Variants in POMT2 observed in about 807,000 individuals in gnomAD.
POMT2 encodes protein O-mannosyltransferase 2.
POMT2 carries 75 observed loss-of-function variants against 100.0 expected under a neutral mutation model. The ratio of observed to expected loss-of-function variants is 0.75; its 90% CI spans 0.62 to 0.91. The LOEUF is 0.91. Among genes scored for constraint, POMT2 ranks in the 40% least tolerant of loss-of-function variants. POMT2 has a pLI of 0.00. For missense variants in POMT2, 940 were observed against 955.1 expected, an observed-to-expected ratio of 0.98 and a Z score of 0.21; for synonymous variants, 378 against 374.1, an observed-to-expected ratio of 1.01 and a Z score of -0.12.
At chr14:77,280,350 T>C (rs370443457) in intron 16 of POMT2, 42 bp downstream of exon 16, 2 of 1,613,572 alleles carry the variant, frequency 1.2e-6, no homozygotes, top group African/African-American at 2.7e-5. Context: ...GCTCTTGTTC[T>C]TGGCTCCATT....
intron 10 of POMT2, among the ~76,000 whole-genome samples, chr14:77,290,302 C>CA (rs1221812075): frequency 6.6e-6 from 1 of 152,206 alleles, no homozygotes; most frequent in Non-Finnish European, 1.5e-5. Flanking sequence ...ATAGAACACT[C>CA]ACGTTTGGCC....
intron 9 of POMT2, among the ~76,000 whole-genome samples, chr14:77,292,967 T>A (rs1437505802): frequency 6.6e-6 from 1 of 152,130 alleles, no homozygotes; most frequent in Admixed American, 6.5e-5. Context: ...TCAGAAGGTA[T>A]CCCCCCGATG....
intron 4 of POMT2, among the ~76,000 whole-genome samples, chr14:77,303,596 G>C (rs1369022882): frequency 6.6e-6 from 1 of 152,010 alleles, no homozygotes; most frequent in Non-Finnish European, 1.5e-5. Flanking sequence ...GTCCACACCA[G>C]AACTACAGTA....
Position 77,296,190 on chromosome 14 carries a change from C to T in POMT2, c.1090G>A (p.Glu364Lys), listed in dbSNP as rs772255938. Residue 364 changes from glutamate (E) to lysine (K), a missense_variant, in exon 9 of 21, where the codon GAG (glutamate) becomes AAG (lysine). Transcript: ENST00000261534. ...TGCTGCTGACGGGCACCAATGCCCTCGGGGTAGAGGTGCCTGTGGGAGTGC... is the reference window on the plus strand; with the variant it reads ...TGCTGCTGACGGGCACCAATGCCCTTGGGGTAGAGGTGCCTGTGGGAGTGC... Reference protein sequence around the residue: ...YLHSHRHLYPEGIGARQQQVT... With the variant: ...YLHSHRHLYPKGIGARQQQVT... 14 of 1,607,000 alleles carry T rather than the reference C, an allele frequency of 8.7e-6. No homozygotes were observed. Among genetic ancestry groups the T allele is most frequent in the Admixed American group, 1.7e-5 (1 of 59,142 alleles).
intron 15 of POMT2, among the ~76,000 whole-genome samples, chr14:77,281,142 T>TAAA (rs1311038457): frequency 4.2e-5 from 5 of 119,426 alleles, no homozygotes; most frequent in Admixed American, 8.9e-5. Flanking sequence ...AAATAAATAA[T>TAAA]AAGGCTTACT....
chr14:77,287,778 C>T (rs1272543650), intron 11 of POMT2: 1 of 152,124 alleles, frequency 6.6e-6, no homozygotes, highest in African/African-American at 2.4e-5. Context: ...AGAGGGCTTA[C>T]ATTTGCTTTT....
In POMT2 at chr14:77,294,692, T is replaced by C. The variant is rs143065093; in HGVS notation, c.1116+1472A>G. On this transcript the variant is annotated intron_variant, in intron 9 of 20. Coordinates refer to ENST00000261534, the MANE Select transcript of POMT2 (RefSeq NM_013382.7). The stretch of plus-strand genomic sequence containing the variant: ...GCCGCCATCCACATAAAATGTGACT[T>C]GCTCCTCCTTGCCTTCCACCGGGGT... Among the ~76,000 whole-genome samples the C allele has an allele frequency of 2.3e-3, 349 of 152,344 alleles. 8 individuals carry two copies. In the East Asian group the frequency reaches 0.05, roughly 22 times the overall value.
intron 15 of POMT2, among the ~76,000 whole-genome samples, chr14:77,280,693 G>A (rs1455822096): frequency 9.6e-6 from 1 of 103,628 alleles, no homozygotes; most frequent in Non-Finnish European, 1.9e-5. Flanking sequence ...CAACCTTCTA[G>A]GGAAAAAGAA....
At chr14:77,292,907 T>C (rs1890688983) in intron 9 of POMT2, among the ~76,000 whole-genome samples, 1 of 152,222 alleles carries the variant, frequency 6.6e-6, no homozygotes, top group Admixed American at 6.5e-5. Flanking sequence ...TTTGTGTAAG[T>C]ACATACTATG....
chr14:77,283,888 T>C lies in POMT2; in HGVS notation c.1577-15A>G, dbSNP rs767061419. On this transcript the variant is annotated splice_polypyrimidine_tract_variant and intron_variant, in intron 14 of 20. Transcript: ENST00000261534. ...GATGTTTGGCACTAGGGGAAAAAAA[T>C]GCAGGAGAAAAGCCTTTGTCATACA... 6.3e-7 allele frequency: 1 copy of C among 1,593,220 alleles called. No individual in the cohort carries two copies.
chr14:77,293,903 A>G (rs1201921754), intron 9 of POMT2, among the ~76,000 whole-genome samples: 1 of 152,196 alleles, frequency 6.6e-6, no homozygotes, highest in Admixed American at 6.5e-5. Context: ...CTTCTACATG[A>G]CACCTGCAGC....
Position 77,301,190 on chromosome 14 carries a change from G to GGGT in POMT2, c.715_716insACC (p.Ala239delinsAspPro). ...GAGGCCAACAAACTTGACCCCTAAA[G>GGGT]CACCAGCAAGACTAACGCCAGTCAG... On this transcript the variant is annotated protein_altering_variant, in exon 6 of 21. Coordinates refer to ENST00000261534, the MANE Select transcript of POMT2 (RefSeq NM_013382.7). 1 of 1,614,212 alleles carries GGGT rather than the reference G, an allele frequency of 6.2e-7. No homozygotes were observed. The highest frequency in any genetic ancestry group is 8.5e-7 in the Non-Finnish European group (1 of 1,180,040).
chr14:77,293,177 G>GA (rs1478984138), intron 9 of POMT2, among the ~76,000 whole-genome samples: 1 of 152,202 alleles, frequency 6.6e-6, no homozygotes, highest in African/African-American at 2.4e-5. Flanking sequence ...ACATTCCTGA[G>GA]AAAAAGCTCG....
At chr14:77,281,630 A>G (rs1474848017) in intron 15 of POMT2, among the ~76,000 whole-genome samples, 1 of 152,184 alleles carries the variant, frequency 6.6e-6, no homozygotes. Flanking sequence ...CCAGAAGGGG[A>G]GTCAGCTGCC....
intron 9 of POMT2, among the ~76,000 whole-genome samples, chr14:77,294,697 C>T (rs960467568): frequency 6.6e-6 from 1 of 152,198 alleles, no homozygotes; most frequent in African/African-American, 2.4e-5. Flanking sequence ...TGACTTGCTC[C>T]TCCTTGCCTT....
At position 77,275,483 on chromosome 14, in the gene POMT2, C is replaced by G. The variant is rs114623446; in HGVS notation, c.*1893G>C. On this transcript the variant is annotated 3_prime_UTR_variant, in exon 21 of 21. Coordinates refer to ENST00000261534, the MANE Select transcript of POMT2 (RefSeq NM_013382.7). ...GAAATAAGAAGGCACAAAGGAAAAT[C>G]AGCCACCTCCTGGAGGTCACTGTGG... 6.6e-6 allele frequency: 1 copy of G among 152,306 alleles called. No individual in the cohort carries two copies. Among genetic ancestry groups the G allele is most frequent in the Admixed American group, 6.5e-5 (1 of 15,292 alleles). 9.4% of individuals were successfully genotyped at this position (152,306 alleles called of 1,614,324 possible). A position where few individuals can be genotyped will look rare whatever the true frequency, so the allele number is the denominator to read the frequency against.
rs746662519 is a variant in POMT2 at position 77,320,440 on chromosome 14, T to C, written c.242A>G (p.His81Arg). The C allele has an allele frequency of 7.1e-6, 11 of 1,546,450 alleles. No homozygotes were observed. Among genetic ancestry groups the C allele is most frequent in the South Asian group, 5.9e-5 (5 of 84,068 alleles). The change falls in exon 1 of 21, where the codon CAC becomes CGC. Residue 81 changes from histidine to arginine, a missense_variant. Coordinates refer to ENST00000261534, the MANE Select transcript of POMT2 (RefSeq NM_013382.7). ...TRFHRLDEPPHICWDETHFGK... is the reference protein window; with the variant it reads ...TRFHRLDEPPRICWDETHFGK... ...AGTCCCTCCCATCACTCACCAGATG[T>C]GCGGCGGCTCGTCCAAGCGGTGGAA...
At chr14:77,312,983 A>C (rs527667000) in intron 1 of POMT2, among the ~76,000 whole-genome samples, 1 of 152,372 alleles carries the variant, frequency 6.6e-6, no homozygotes, top group South Asian at 2.1e-4. Flanking sequence ...TTTTGCAAGT[A>C]AATAAGTGAT....
intron 2 of POMT2, among the ~76,000 whole-genome samples, chr14:77,311,135 AAAAC>A (rs746717604): frequency 3.9e-5 from 6 of 152,234 alleles, no homozygotes; most frequent in Non-Finnish European, 7.3e-5. Flanking sequence ...CTCTGTCTCA[AAAAC>A]AAACAAACAA....
Sources: gnomAD v4.1 joint callset for allele counts (sites outside exome capture counted in the v4.1 genomes callset) on GRCh38, gnomAD v4.1.1 for gene constraint, MANE v1.5 for transcripts, NCBI Gene and HGNC (gene_info 2026-07-23, HGNC 2026-07-21) for gene names.